Variants in GAREM1 observed in about 807,000 individuals in gnomAD.
GAREM1 encodes GRB2 associated regulator of MAPK1 subtype 1.
In GAREM1, 26 loss-of-function variants were observed where a neutral mutation model predicts 71.3. That is an observed-to-expected ratio of 0.36 (90% CI 0.27 to 0.51). The LOEUF is 0.51. Ranked by LOEUF, GAREM1 falls within the 20% of genes least tolerant of loss-of-function variation. GAREM1 has a pLI of 0.95. For synonymous variants in GAREM1, 440 were observed against 433.2 expected, an observed-to-expected ratio of 1.02 and a Z score of -0.20; for missense variants, 1,026 against 1,103.1, an observed-to-expected ratio of 0.93 and a Z score of 0.99.
chr18:32,362,878 A>C (rs2047879682), intron 2 of GAREM1, among the ~76,000 whole-genome samples: 1 of 152,234 alleles, frequency 6.6e-6, no homozygotes, highest in African/African-American at 2.4e-5. Context: ...CAAAACTGTA[A>C]ATTTGCATCT....
intron 2 of GAREM1, among the ~76,000 whole-genome samples, chr18:32,337,390 G>C (rs115542647): frequency 6.6e-6 from 1 of 152,184 alleles, no homozygotes; most frequent in African/African-American, 2.4e-5. Flanking sequence ...CAATATGTAC[G>C]TAAGTGGGGT....
At chr18:32,352,752 T>C (rs115051399) in intron 2 of GAREM1, among the ~76,000 whole-genome samples, 1,625 of 152,216 alleles carry the variant, frequency 0.011, 30 homozygotes, top group African/African-American at 0.035. Flanking sequence ...CCTGTGATTA[T>C]GAGAGAAGGA....
At chr18:32,432,204 G>A (rs79221576) in intron 1 of GAREM1, among the ~76,000 whole-genome samples, 2,119 of 152,234 alleles carry the variant, frequency 0.014, 23 homozygotes, top group Middle Eastern at 0.038. Flanking sequence ...ATATGATGGT[G>A]CAAAGAAAAA....
At chr18:32,468,931 C>T (rs898178083) in intron 1 of GAREM1, among the ~76,000 whole-genome samples, 2 of 148,782 alleles carry the variant, frequency 1.3e-5, no homozygotes, top group Admixed American at 6.7e-5. Context: ...CCACTCGAAG[C>T]AGAAACGCCT....
At chr18:32,285,194 C>T (rs1322971570) in intron 4 of GAREM1, among the ~76,000 whole-genome samples, 3 of 152,204 alleles carry the variant, frequency 2.0e-5, no homozygotes, top group Non-Finnish European at 4.4e-5. Flanking sequence ...TGGGCTTGTG[C>T]CTGATGGTCC....
chr18:32,272,428 A>C (rs1170231809), intron 4 of GAREM1, among the ~76,000 whole-genome samples: 2 of 152,198 alleles, frequency 1.3e-5, no homozygotes, highest in Non-Finnish European at 2.9e-5. Context: ...TCATCTGGAG[A>C]AGCTCTTTAG....
At chr18:32,395,034 C>T (rs558635528) in intron 1 of GAREM1, among the ~76,000 whole-genome samples, 12 of 152,240 alleles carry the variant, frequency 7.9e-5, no homozygotes, top group South Asian at 2.1e-4. Flanking sequence ...CCCTCTAAAA[C>T]GTAATCCTTC....
At chr18:32,451,319 A>ATT in intron 1 of GAREM1, among the ~76,000 whole-genome samples, 1 of 149,938 alleles carries the variant, frequency 6.7e-6, no homozygotes, top group South Asian at 2.1e-4. Flanking sequence ...TATTCCCACA[A>ATT]CTATTCTAAT....
Position 32,470,536 on chromosome 18 carries a change from G to T in GAREM1, c.-108C>A. 2.4e-6 allele frequency: 2 copies of T among 818,364 alleles called. No individual in the cohort carries two copies. Among genetic ancestry groups the T allele is most frequent in the Non-Finnish European group, 3.0e-6 (2 of 677,796 alleles). The allele number at this position is 818,364 out of a possible 1,614,324, so 50.7% of individuals were successfully genotyped here. A position where few individuals can be genotyped will look rare whatever the true frequency, so the allele number is the denominator to read the frequency against. On this transcript the variant is annotated 5_prime_UTR_variant, in exon 1 of 6. Coordinates refer to ENST00000269209, the MANE Select transcript of GAREM1 (RefSeq NM_001242409.2). This position sits in a 1 kb window ranked among gnomAD's most constrained non-coding sequence, Gnocchi z 4.4. ...TCGCGGTCTGGGGCGCGCGGGAGGC[G>T]CCGGGCAGCTCCGGCCGCGGGCAGC...
At chr18:32,315,177 T>G (rs1252758223) in intron 2 of GAREM1, among the ~76,000 whole-genome samples, 4 of 151,932 alleles carry the variant, frequency 2.6e-5, no homozygotes, top group Non-Finnish European at 1.5e-5. Flanking sequence ...CCTTCAGAAA[T>G]GTACTCACAG....
At chr18:32,458,851 T>A (rs1174818483) in intron 1 of GAREM1, among the ~76,000 whole-genome samples, 3 of 152,110 alleles carry the variant, frequency 2.0e-5, no homozygotes, top group Non-Finnish European at 4.4e-5. Context: ...GAAGGTAGAA[T>A]CTTTCCTGGA....
At chr18:32,314,133 T>C (rs1404302021) in intron 2 of GAREM1, among the ~76,000 whole-genome samples, 1 of 152,124 alleles carries the variant, frequency 6.6e-6, no homozygotes, top group Non-Finnish European at 1.5e-5. Flanking sequence ...ATAACACTTA[T>C]TTAAACAAAT....
chr18:32,407,246 GCTGTC>G (rs1476967189), intron 1 of GAREM1, among the ~76,000 whole-genome samples: 1 of 152,176 alleles, frequency 6.6e-6, no homozygotes, highest in Admixed American at 6.5e-5. Context: ...GAGCTTAGTT[GCTGTC>G]CTGTTCTAAT....
Position 32,354,108 on chromosome 18 carries a change from C to A in GAREM1, c.262+38787G>T, listed in dbSNP as rs571661819. The stretch of plus-strand genomic sequence containing the variant: ...ATTCATGAGCATTACAAGGTAGCAG[C>A]AAATATAAAAGAATACTTTAGTACC... On this transcript the variant is annotated intron_variant, in intron 2 of 5. Transcript: ENST00000269209. 4.3e-4 allele frequency among the ~76,000 whole-genome samples: 66 copies of A among 152,194 alleles called. No homozygotes were observed. The South Asian group carries it at 0.012, about 29-fold the overall frequency.
chr18:32,297,865 C>T (rs924607987), intron 3 of GAREM1, among the ~76,000 whole-genome samples: 9 of 152,068 alleles, frequency 5.9e-5, no homozygotes, highest in African/African-American at 1.9e-4. Flanking sequence ...GACAGGGATC[C>T]GGAAACAAAA....
intron 2 of GAREM1, among the ~76,000 whole-genome samples, chr18:32,386,068 C>T (rs995062099): frequency 6.6e-6 from 1 of 152,172 alleles, no homozygotes; most frequent in African/African-American, 2.4e-5. Flanking sequence ...AAATGTTCCT[C>T]AGCATACTTT....
At position 32,307,290 on chromosome 18, in the gene GAREM1, T is replaced by G. The variant is rs558103386; in HGVS notation, c.393+2903A>C. Among the ~76,000 whole-genome samples, 6 of 152,354 alleles carry G rather than the reference T, an allele frequency of 3.9e-5. No homozygotes were observed. In the East Asian group the frequency reaches 1.2e-3, roughly 29 times the overall value. On this transcript the variant is annotated intron_variant, in intron 3 of 5. Transcript: ENST00000269209. ...ACTGCAAGTGCTTTTCTCAGTGGTT[T>G]ATCCTTTTGGTTTAATTTACGCTGT...
chr18:32,464,725 C>T (rs192187757), intron 1 of GAREM1, among the ~76,000 whole-genome samples: 1 of 152,280 alleles, frequency 6.6e-6, no homozygotes, highest in Admixed American at 6.5e-5. Context: ...CCTGCTGCTA[C>T]CTAAATGATA....
rs1224165610 is a variant in GAREM1 at position 32,334,378 on chromosome 18, G to A, written c.263-24055C>T. Among the ~76,000 whole-genome samples the A allele has an allele frequency of 4.6e-5, 7 of 152,092 alleles. No individual in the cohort carries two copies. The East Asian group carries it at 1.4e-3, about 29-fold the overall frequency. ...TTGTGGAAATAAAACCTGCTGCCAAGTTTTTATTTACCAAAACTTCTCACC... is the reference window on the plus strand; with the variant it reads ...TTGTGGAAATAAAACCTGCTGCCAAATTTTTATTTACCAAAACTTCTCACC... On this transcript the variant is annotated intron_variant, in intron 2 of 5. Transcript: ENST00000269209.
Sources: gnomAD v4.1 joint callset for allele counts (sites outside exome capture counted in the v4.1 genomes callset) on GRCh38, gnomAD v4.1.1 for gene constraint, Gnocchi (gnomAD v3.1) non-coding constraint, MANE v1.5 for transcripts, NCBI Gene and HGNC (gene_info 2026-07-23, HGNC 2026-07-21) for gene names.